NKPD1: variants seen among roughly 807,000 people sequenced by gnomAD.
NKPD1 encodes NTPase KAP family P-loop domain containing 1.
A neutral mutation model predicts 42.2 loss-of-function variants in NKPD1; 37 were observed. The observed-to-expected ratio is 0.88, with a 90% CI of 0.67 to 1.15. The LOEUF is 1.15. Among genes scored for constraint, NKPD1 ranks in the 50% most tolerant of loss-of-function variants. NKPD1 has a pLI of 0.00. For missense variants in NKPD1, 1,113 were observed against 1,174.6 expected (o/e 0.95, Z 0.77); for synonymous variants, 552 against 536.5 (o/e 1.03, Z -0.40).
Position 45,152,486 on chromosome 19 carries a change from G to A in NKPD1, c.1951C>T (p.Arg651Cys). 6.4e-7 allele frequency: 1 copy of A among 1,552,678 alleles called. No homozygotes were observed. Among genetic ancestry groups the A allele is most frequent in the Non-Finnish European group, 8.6e-7 (1 of 1,157,492 alleles). Reference sequence around the variant, plus strand: ...AGCACCACCCACGCCACCGCCTGGCGCGGCGTGGGGCCCCCAAAGTCCCCC... The same window carrying A: ...AGCACCACCCACGCCACCGCCTGGCACGGCGTGGGGCCCCCAAAGTCCCCC... ...QQGDFGGPTP[R>C]QAVAWVVLAN... is the part of the protein sequence containing the mutation. Residue 651 changes from arginine (R) to cysteine (C), a missense_variant, in exon 5 of 5, where the codon CGC becomes TGC. Arg to Cys is a radical substitution (Grantham distance 180, BLOSUM62 -3). This residue lies in a region of NKPD1 where 867 missense variants were observed against 870.1 expected (regional missense o/e 1.00). Transcript: ENST00000686631.
rs976872693 is a variant in NKPD1 at position 45,158,879 on chromosome 19, C to T, written c.313G>A (p.Glu105Lys). ...GTTGCAGGCAGCCCCTTCTGGGCTT[C>T]GTGAATGGGGCAGAGCCGCTGCCGC... is the stretch of plus-strand genomic sequence containing the variant. ...PLRQRLCPIH[E>K]AQKGLPATST... The change falls in exon 3 of 5, where the codon GAA becomes AAA. Residue 105 changes from glutamate to lysine, a missense_variant. Physicochemically the swap from Glu to Lys is moderately conservative, Grantham distance 56. Coordinates refer to ENST00000686631, the MANE Select transcript of NKPD1 (RefSeq NM_198478.4). This position sits in a 1 kb window ranked among gnomAD's most constrained non-coding sequence, Gnocchi z 4.6. The T allele has an allele frequency of 6.2e-6, 8 of 1,284,268 alleles. No homozygotes were observed. The Admixed American group carries it at 1.0e-4, about 16-fold the overall frequency. The allele number at this position is 1,284,268 out of a possible 1,614,324, so 79.6% of individuals were successfully genotyped here. A position where few individuals can be genotyped will look rare whatever the true frequency, so the allele number is the denominator to read the frequency against.
At chr19:45,162,339 C>A (rs377310505), upstream of NKPD1, among the ~76,000 whole-genome samples, 7 of 152,176 alleles carry the variant, frequency 4.6e-5, no homozygotes, top group East Asian at 3.9e-4. Context: ...GACGGGGTGA[C>A]TGGACCCCAC....
Position 45,152,124 on chromosome 19 carries a change from G to A in NKPD1, c.2313C>T (p.Ser771=), listed in dbSNP as rs756916521. Residue 771 remains serine, a synonymous_variant, in exon 5 of 5, where the codon TCC becomes TCT. Coordinates refer to ENST00000686631, the MANE Select transcript of NKPD1 (RefSeq NM_198478.4). ...SALKPPSPPK[S]PTRDTPHAAH... is the part of the protein sequence containing the mutation. ...CAGCGTGGGGGGTATCGCGGGTAGG[G>A]GACTTGGGCGGGCTGGGCGGCTTGA... is the stretch of plus-strand genomic sequence containing the variant. 134 of 1,603,216 alleles carry A rather than the reference G, an allele frequency of 8.4e-5. No homozygotes were observed. Among genetic ancestry groups the A allele is most frequent in the Non-Finnish European group, 1.1e-4 (134 of 1,175,988 alleles).
chr19:45,159,402 G>A (rs1255307880), intron 2 of NKPD1, among the ~76,000 whole-genome samples: 2 of 152,116 alleles, frequency 1.3e-5, no homozygotes, highest in South Asian at 2.1e-4. Flanking sequence ...GCAGATTCCT[G>A]GATCCCTGGG....
At position 45,158,565 on chromosome 19, in the gene NKPD1, G is replaced by C. The variant is rs959050919; in HGVS notation, c.529+98C>G. On this transcript the variant is annotated intron_variant, in intron 3 of 4. Coordinates refer to ENST00000686631, the MANE Select transcript of NKPD1 (RefSeq NM_198478.4). The surrounding 1 kb of genome is among the most constrained non-coding windows in gnomAD (Gnocchi z 4.6). ...ATAGGGAACAGGGTGTGGATGAAGA[G>C]GGCAGGTGCAAGATGCTAGGCAGGG... The C allele has an allele frequency of 1.2e-5, 14 of 1,121,858 alleles. No homozygotes were observed. The highest frequency in any genetic ancestry group is 1.4e-5 in the Non-Finnish European group (13 of 909,122). The allele number at this position is 1,121,858 out of a possible 1,614,324, so 69.5% of individuals were successfully genotyped here.
upstream of NKPD1, among the ~76,000 whole-genome samples, chr19:45,162,706 C>T (rs956053134): frequency 3.3e-5 from 5 of 152,188 alleles, no homozygotes; most frequent in Non-Finnish European, 5.9e-5. Context: ...TGCACATCGC[C>T]GGGCAGAGGG....
At chr19:45,161,009 T>TG (rs1968994545), upstream of NKPD1, among the ~76,000 whole-genome samples, 3 of 152,100 alleles carry the variant, frequency 2.0e-5, no homozygotes, top group South Asian at 6.2e-4. Context: ...CCCATCCAGA[T>TG]GGAGGCCTCA....
intron 3 of NKPD1, among the ~76,000 whole-genome samples, chr19:45,156,287 C>T (rs1023550368): frequency 4.6e-5 from 7 of 152,184 alleles, no homozygotes; most frequent in Non-Finnish European, 8.8e-5. Context: ...CCTCAGATGC[C>T]AAGACACCAC....
In NKPD1 at chr19:45,159,116, T is replaced by C; in HGVS notation, c.92-16A>G. On this transcript the variant is annotated splice_polypyrimidine_tract_variant and intron_variant, in intron 2 of 4. Coordinates refer to ENST00000686631, the MANE Select transcript of NKPD1 (RefSeq NM_198478.4). ...TGACAGCATCCTGGAAGGAAGGAAG[T>C]GGGGGTGACTGGGCCTGTGTCCCCG... is the stretch of plus-strand genomic sequence containing the variant. The C allele has an allele frequency of 7.9e-7, 1 of 1,265,422 alleles. No homozygotes were observed. The highest frequency in any genetic ancestry group is 1.0e-6 in the Non-Finnish European group (1 of 979,298). The allele number at this position is 1,265,422 out of a possible 1,614,324, so 78.4% of individuals were successfully genotyped here. A position where few individuals can be genotyped will look rare whatever the true frequency, so the allele number is the denominator to read the frequency against.
At position 45,152,304 on chromosome 19, in the gene NKPD1, C is replaced by T; in HGVS notation, c.2133G>A (p.Val711=). 11 of 1,610,818 alleles carry T rather than the reference C, an allele frequency of 6.8e-6. No individual in the cohort carries two copies. Among genetic ancestry groups the T allele is most frequent in the Non-Finnish European group, 9.3e-6 (11 of 1,179,020 alleles). ...LHTMTKALQN[V]LDLDGDPELF... ...GCTCGGGGTCGCCGTCCAGGTCGAG[C>T]ACGTTCTGCAACGCCTTGGTCATGG... is the stretch of plus-strand genomic sequence containing the variant. Residue 711 remains valine, a synonymous_variant, in exon 5 of 5, where the codon GTG becomes GTA. Transcript: ENST00000686631.
In NKPD1 at chr19:45,152,696, C is replaced by T. The variant is rs1398563088; in HGVS notation, c.1741G>A (p.Gly581Arg). The T allele has an allele frequency of 1.3e-6, 2 of 1,551,754 alleles. No individual in the cohort carries two copies. The highest frequency in any genetic ancestry group is 2.7e-5 in the African/African-American group (2 of 72,804). ...AQLLAVQAQA[G>R]TERGQGRIDD... is the part of the protein sequence containing the mutation. ...ATGCGGCCCTGCCCGCGCTCCGTCC[C>T]CGCCTGCGCCTGCACCGCCAGCAGC... Residue 581 changes from glycine to arginine, a missense_variant, in exon 5 of 5, where the codon GGG (glycine) becomes AGG (arginine). By Grantham distance (125) the Gly-to-Arg change is moderately radical. This residue lies in a region of NKPD1 where 867 missense variants were observed against 870.1 expected (regional missense o/e 1.00). Transcript: ENST00000686631.
At chr19:45,161,107 T>A (rs1000690759), upstream of NKPD1, among the ~76,000 whole-genome samples, 5 of 152,222 alleles carry the variant, frequency 3.3e-5, no homozygotes, top group African/African-American at 1.2e-4. Flanking sequence ...TCTCGAGGAC[T>A]GGGACTCCGA....
chr19:45,159,004 C>T lies in NKPD1; in HGVS notation c.188G>A (p.Ser63Asn), dbSNP rs1968957637. Residue 63 changes from serine (S) to asparagine (N), a missense_variant, in exon 3 of 5, where the codon AGC becomes AAC. Coordinates refer to ENST00000686631, the MANE Select transcript of NKPD1 (RefSeq NM_198478.4). ...PQSHWQLAYH[S>N]HQVGGSGWRR... ...CCAGCCACTGCCACCCACTTGGTGG[C>T]TGTGGTAGGCCAGCTGCCAGTGTGA... 1.5e-6 allele frequency: 2 copies of T among 1,301,256 alleles called. No individual in the cohort carries two copies. Among genetic ancestry groups the T allele is most frequent in the African/African-American group, 1.5e-5 (1 of 65,872 alleles). The allele number at this position is 1,301,256 out of a possible 1,614,324, so 80.6% of individuals were successfully genotyped here. A position where few individuals can be genotyped will look rare whatever the true frequency, so the allele number is the denominator to read the frequency against.
upstream of NKPD1, among the ~76,000 whole-genome samples, chr19:45,162,065 A>G (rs982303663): frequency 1.3e-5 from 2 of 152,042 alleles, no homozygotes; most frequent in African/African-American, 4.8e-5. Context: ...CGGGGCTGGC[A>G]TCTGAGCGTG....
In NKPD1 at chr19:45,153,235, T is replaced by C. The variant is rs1203577084; in HGVS notation, c.1202A>G (p.Lys401Arg). Residue 401 changes from lysine to arginine, a missense_variant, in exon 5 of 5, where the codon AAG becomes AGG. By Grantham distance (26) the Lys-to-Arg change is conservative. Coordinates refer to ENST00000686631, the MANE Select transcript of NKPD1 (RefSeq NM_198478.4). ...CTTGCGCTGGCTTACGAACAGGTGCTTGCCCACCGAGTACACGGCCATGAG... is the reference window on the plus strand; with the variant it reads ...CTTGCGCTGGCTTACGAACAGGTGCCTGCCCACCGAGTACACGGCCATGAG... ...GLLMAVYSVGKHLFVSQRKKI... is the reference protein window; with the variant it reads ...GLLMAVYSVGRHLFVSQRKKI... 6.2e-7 allele frequency: 1 copy of C among 1,601,294 alleles called. No individual in the cohort carries two copies. Among genetic ancestry groups the C allele is most frequent in the Non-Finnish European group, 8.5e-7 (1 of 1,174,936 alleles).
rs1968814195 is a variant in NKPD1 at position 45,152,730 on chromosome 19, C to T, written c.1707G>A (p.Glu569=). 2 of 1,582,056 alleles carry T rather than the reference C, an allele frequency of 1.3e-6. No homozygotes were observed. Among genetic ancestry groups the T allele is most frequent in the East Asian group, 4.7e-5 (2 of 42,982 alleles). ...CCTGCACCGCCAGCAGCTGCGCGCTCTCGCCCCCGGCGTCCCCCGGCAGCC... is the reference window on the plus strand; with the variant it reads ...CCTGCACCGCCAGCAGCTGCGCGCTTTCGCCCCCGGCGTCCCCCGGCAGCC... The part of the protein sequence containing the change: ...KPWLPGDAGG[E]SAQLLAVQAQ... The change falls in exon 5 of 5, where the codon GAG becomes GAA. Residue 569 remains glutamate (E), a synonymous_variant. Coordinates refer to ENST00000686631, the MANE Select transcript of NKPD1 (RefSeq NM_198478.4).
Position 45,153,272 on chromosome 19 carries a change from C to A in NKPD1, c.1165G>T (p.Gly389Cys). ...VFGGAATTLS[G>C]SGLLMAVYSV... ...TACACGGCCATGAGCAGCCCCGAGC[C>A]CGACAGTGTGGTGGCCGCGCCGCCA... is the stretch of plus-strand genomic sequence containing the variant. The change falls in exon 5 of 5, where the codon GGC becomes TGC. Residue 389 changes from glycine (G) to cysteine (C), a missense_variant. By Grantham distance (159) the Gly-to-Cys change is radical (BLOSUM62 -3). Transcript: ENST00000686631. 1.2e-6 allele frequency: 2 copies of A among 1,600,710 alleles called. No homozygotes were observed.
upstream of NKPD1, among the ~76,000 whole-genome samples, chr19:45,162,115 C>T (rs1162418024): frequency 2.6e-5 from 4 of 152,186 alleles, no homozygotes; most frequent in Non-Finnish European, 5.9e-5. Context: ...CCCCACACCC[C>T]CGGCCCGATC....
rs1288311870 is a variant in NKPD1 at position 45,158,999 on chromosome 19, G to T, written c.193C>A (p.Gln65Lys). Residue 65 changes from glutamine (Q) to lysine (K), a missense_variant, in exon 3 of 5, where the codon CAA becomes AAA. This residue lies in a region of NKPD1 where 204 missense variants were observed against 227.8 expected (regional missense o/e 0.90). Transcript: ENST00000686631. This position sits in a 1 kb window ranked among gnomAD's most constrained non-coding sequence, Gnocchi z 4.6. Reference protein sequence around the residue: ...SHWQLAYHSHQVGGSGWRRGL... With the variant: ...SHWQLAYHSHKVGGSGWRRGL... ...CGGCGCCAGCCACTGCCACCCACTT[G>T]GTGGCTGTGGTAGGCCAGCTGCCAG... 6.9e-6 allele frequency: 9 copies of T among 1,301,466 alleles called. No individual in the cohort carries two copies. Among genetic ancestry groups the T allele is most frequent in the Non-Finnish European group, 9.1e-6 (9 of 988,280 alleles). The allele number at this position is 1,301,466 out of a possible 1,614,324, so 80.6% of individuals were successfully genotyped here.
Sources: allele counts gnomAD v4.1 joint callset (sites outside exome capture counted in the v4.1 genomes callset), GRCh38; gene constraint gnomAD v4.1.1; regional missense constraint gnomAD v4.1.1; non-coding constraint Gnocchi (gnomAD v3.1); transcripts MANE v1.5; gene names NCBI Gene and HGNC (gene_info 2026-07-23, HGNC 2026-07-21).